Variants in CTDSPL2 observed in about 807,000 individuals in gnomAD.
The protein encoded by CTDSPL2 is CTD small phosphatase-like protein 2.
In CTDSPL2, 5 loss-of-function variants were observed where a neutral mutation model predicts 60.0. The ratio of observed to expected loss-of-function variants is 0.08; its 90% CI spans 0.04 to 0.18. The LOEUF is 0.18. CTDSPL2 is among the 10% of genes least tolerant of loss of function. The probability of loss-of-function intolerance (pLI) is 1.00; values close to 1 mark genes in which losing one functional copy is unlikely to be tolerated. For synonymous variants in CTDSPL2, 186 were observed against 189.3 expected (o/e 0.98, Z 0.14); for missense variants, 370 against 548.8 (o/e 0.67, Z 3.26).
chr15:44,452,968 C>T (rs571289719), intron 1 of CTDSPL2, among the ~76,000 whole-genome samples: 1 of 152,020 alleles, frequency 6.6e-6, no homozygotes, highest in Non-Finnish European at 1.5e-5. Flanking sequence ...CCAGTTTGCT[C>T]CTTGCCTTCT....
At chr15:44,505,380 G>A (rs1002293954) in intron 8 of CTDSPL2, among the ~76,000 whole-genome samples, 13 of 151,824 alleles carry the variant, frequency 8.6e-5, no homozygotes, top group Admixed American at 2.6e-4. Context: ...CTGTGATCAC[G>A]CCACTGCACT....
At chr15:44,461,056 C>A (rs931121974) in intron 2 of CTDSPL2, among the ~76,000 whole-genome samples, 8 of 152,208 alleles carry the variant, frequency 5.3e-5, no homozygotes, top group Non-Finnish European at 1.0e-4. Flanking sequence ...TACAAACCTT[C>A]AGTCATTATA....
Position 44,506,246 on chromosome 15 carries a change from T to A in CTDSPL2, c.969+6433T>A, listed in dbSNP as rs146998500. On this transcript the variant is annotated intron_variant, in intron 8 of 12. Coordinates refer to ENST00000260327, the MANE Select transcript of CTDSPL2 (RefSeq NM_016396.3). ...GGTTTTACCCTGTTGGCCAGGCTGG[T>A]CTTGAACTCCTCACCTCAAGTGATC... is the stretch of plus-strand genomic sequence containing the variant. Among the ~76,000 whole-genome samples the A allele has an allele frequency of 1.9e-3, 296 of 151,864 alleles. 1 individual carries two copies. The highest frequency in any genetic ancestry group is 6.8e-3 in the African/African-American group (280 of 41,398).
intron 8 of CTDSPL2, among the ~76,000 whole-genome samples, chr15:44,509,595 AAAAT>A (rs1314624248): frequency 6.6e-6 from 1 of 152,174 alleles, no homozygotes; most frequent in Non-Finnish European, 1.5e-5. Flanking sequence ...AACACACAAA[AAAAT>A]AGACCATCAA....
At chr15:44,435,256 CAAAA>C (rs35787192) in intron 1 of CTDSPL2, among the ~76,000 whole-genome samples, 1 of 46,064 alleles carries the variant, frequency 2.2e-5, no homozygotes, top group Non-Finnish European at 4.8e-5. Context: ...GACTCCGTCT[CAAAA>C]AAAAAAAAAA....
At chr15:44,496,160 G>A (rs1258344534) in intron 5 of CTDSPL2, among the ~76,000 whole-genome samples, 2 of 152,052 alleles carry the variant, frequency 1.3e-5, no homozygotes, top group African/African-American at 4.8e-5. Context: ...CTTAATTCTA[G>A]CCATGATCTG....
chr15:44,448,659 A>C, intron 1 of CTDSPL2: 2 of 326,852 alleles, frequency 6.1e-6, no homozygotes, highest in South Asian at 5.5e-5. Flanking sequence ...ATTTTATTCT[A>C]AATCCATGCC....
intron 2 of CTDSPL2, among the ~76,000 whole-genome samples, chr15:44,463,627 CTG>C (rs1427375374): frequency 1.3e-5 from 2 of 152,064 alleles, no homozygotes; most frequent in Non-Finnish European, 2.9e-5. Context: ...ACAACTAATC[CTG>C]TGTTAGGAGT....
chr15:44,496,331 A>C, intron 5 of CTDSPL2, 49 bp from the exon 6 acceptor site: 1 of 1,182,346 alleles, frequency 8.5e-7, no homozygotes. Flanking sequence ...TATATATTTC[A>C]TGAAGCATTA....
intron 1 of CTDSPL2, among the ~76,000 whole-genome samples, chr15:44,436,535 G>A (rs937031872): frequency 6.6e-6 from 1 of 152,126 alleles, no homozygotes; most frequent in Non-Finnish European, 1.5e-5. Context: ...TTCTTTTGCT[G>A]TTGAGGAAAC....
chr15:44,448,219 G>A, intron 1 of CTDSPL2: 1 of 295,542 alleles, frequency 3.4e-6, no homozygotes, highest in East Asian at 9.6e-5. Context: ...GCCCATGCCG[G>A]CACCCATGTG....
In CTDSPL2 at chr15:44,477,537, TA is replaced by T. The variant is rs58856492; in HGVS notation, c.187-6675del. Among the ~76,000 whole-genome samples the T allele has an allele frequency of 1.7e-3, 219 of 131,950 alleles. 1 individual carries two copies. The highest frequency in any genetic ancestry group is 1.9e-3 in the African/African-American group (68 of 35,574). 86.6% of individuals were successfully genotyped at this position (131,950 alleles called of 152,430 possible). ...GTGACAGGGCAAGACCCTGTCTTTT[TA>T]AAAAAAAAAAAGTACTTGCCAGGCA... On this transcript the variant is annotated intron_variant, in intron 2 of 12. Transcript: ENST00000260327.
intron 2 of CTDSPL2, among the ~76,000 whole-genome samples, chr15:44,464,958 G>A (rs941574867): frequency 1.1e-4 from 17 of 151,864 alleles, no homozygotes; most frequent in African/African-American, 3.4e-4. Flanking sequence ...TGCCTGCCTC[G>A]GCCTCCCAAA....
At chr15:44,506,022 TAAC>T (rs1445843335) in intron 8 of CTDSPL2, among the ~76,000 whole-genome samples, 1 of 147,580 alleles carries the variant, frequency 6.8e-6, no homozygotes, top group African/African-American at 2.5e-5. Flanking sequence ...GCTTCATTGG[TAAC>T]TTTTTTTTTT....
At position 44,456,878 on chromosome 15, in the gene CTDSPL2, G is replaced by GT. The variant is rs578000884; in HGVS notation, c.-24-2104dup. On this transcript the variant is annotated intron_variant, in intron 1 of 12. Coordinates refer to ENST00000260327, the MANE Select transcript of CTDSPL2 (RefSeq NM_016396.3). ...CTTTTTTTTTTTTCTTTTTTTTTTT[G>GT]TTTTTTTTTCTTTTTTTTGAAACAG... 5.0e-3 allele frequency among the ~76,000 whole-genome samples: 501 copies of GT among 101,034 alleles called. 5 individuals carry two copies. Among genetic ancestry groups the GT allele is most frequent in the South Asian group, 0.031 (101 of 3,210 alleles). The allele number at this position is 101,034 out of a possible 152,430, so 66.3% of individuals were successfully genotyped here. A position where few individuals can be genotyped will look rare whatever the true frequency, so the allele number is the denominator to read the frequency against.
At chr15:44,504,214 G>T (rs965826073) in intron 8 of CTDSPL2, among the ~76,000 whole-genome samples, 2 of 152,156 alleles carry the variant, frequency 1.3e-5, no homozygotes, top group African/African-American at 4.8e-5. Context: ...GCCGGGCGTG[G>T]TGGCAGGTGC....
intron 8 of CTDSPL2, among the ~76,000 whole-genome samples, chr15:44,509,514 A>G (rs992592594): frequency 1.3e-5 from 2 of 152,112 alleles, no homozygotes; most frequent in East Asian, 3.9e-4. Flanking sequence ...GCCAATGACT[A>G]CTTTTTTAAA....
chr15:44,428,271 A>G (rs1203952925), intron 1 of CTDSPL2, among the ~76,000 whole-genome samples: 2 of 152,130 alleles, frequency 1.3e-5, no homozygotes, highest in South Asian at 2.1e-4. Context: ...TATCTTTTGT[A>G]CTGTTAAAAT....
chr15:44,475,665 A>G (rs2080902071), intron 2 of CTDSPL2, among the ~76,000 whole-genome samples: 1 of 151,860 alleles, frequency 6.6e-6, no homozygotes, highest in Non-Finnish European at 1.5e-5. Flanking sequence ...GATTCTTCAG[A>G]CGCTTTTTCA....
Sources: allele counts gnomAD v4.1 joint callset (sites outside exome capture counted in the v4.1 genomes callset), GRCh38; gene constraint gnomAD v4.1.1; transcripts MANE v1.5; gene names NCBI Gene and HGNC (gene_info 2026-07-23, HGNC 2026-07-21).